The following KALRN variants were observed in gnomAD, a reference collection of about 807,000 sequenced individuals.
KALRN encodes the protein kalirin RhoGEF kinase.
A neutral mutation model predicts 353.7 loss-of-function variants in KALRN; 70 were observed. That is an observed-to-expected ratio of 0.20 (90% CI 0.16 to 0.24). The LOEUF (loss-of-function observed/expected upper bound fraction) is 0.24, where lower values mean the gene tolerates loss of function less well. Among genes scored for constraint, KALRN ranks in the 10% least tolerant of loss-of-function variants. The pLI is 1.00. For missense variants in KALRN, 2,791 were observed against 3,756.7 expected, an observed-to-expected ratio of 0.74 and a Z score of 6.72; for synonymous variants, 1,391 against 1,434.8, an observed-to-expected ratio of 0.97 and a Z score of 0.69.
intron 31 of KALRN, 38 bp downstream of exon 31, chr3:124,491,462 G>A (rs770014439): frequency 9.6e-6 from 14 of 1,463,060 alleles, no homozygotes; most frequent in Non-Finnish European, 1.3e-5. Context: ...ACTAGGGTTG[G>A]GGATAATAGA....
intron 1 of KALRN, among the ~76,000 whole-genome samples, chr3:124,224,697 G>A (rs558148582): frequency 1.3e-5 from 2 of 152,188 alleles, no homozygotes; most frequent in Non-Finnish European, 2.9e-5. Flanking sequence ...GGACAAATGG[G>A]CCAGGAAGCC....
intron 1 of KALRN, among the ~76,000 whole-genome samples, chr3:124,147,174 T>C (rs2067477641): frequency 6.6e-6 from 1 of 152,150 alleles, no homozygotes; most frequent in African/African-American, 2.4e-5. Flanking sequence ...GCCAGGTGTG[T>C]TGGACTCCAA....
chr3:124,297,771 G>A (rs2076958933), intron 5 of KALRN, among the ~76,000 whole-genome samples: 1 of 152,200 alleles, frequency 6.6e-6, no homozygotes, highest in South Asian at 2.1e-4. Flanking sequence ...GAGACAAAGT[G>A]GAAACCAGAC....
At chr3:124,114,352 C>T (rs2063269843) in intron 1 of KALRN, among the ~76,000 whole-genome samples, 1 of 152,166 alleles carries the variant, frequency 6.6e-6, no homozygotes, top group Non-Finnish European at 1.5e-5. Context: ...GGGCTCACAT[C>T]TGAGCCCTGA....
intron 3 of KALRN, among the ~76,000 whole-genome samples, chr3:124,241,444 A>G (rs1162857324): frequency 1.3e-5 from 2 of 152,234 alleles, no homozygotes; most frequent in Non-Finnish European, 2.9e-5. Context: ...ATGCAGTGCT[A>G]AAGTGTCTCT....
At chr3:124,246,189 T>G (rs1462477075) in intron 3 of KALRN, among the ~76,000 whole-genome samples, 1 of 152,266 alleles carries the variant, frequency 6.6e-6, no homozygotes. Flanking sequence ...TCCTATTCTT[T>G]GCATTTCCCT....
chr3:124,426,992 A>C (rs577395700), intron 15 of KALRN, among the ~76,000 whole-genome samples: 3 of 152,374 alleles, frequency 2.0e-5, no homozygotes, highest in Non-Finnish European at 2.9e-5. Context: ...TTTGATTACT[A>C]AAGACATTGG....
At chr3:124,245,215 C>T (rs530477406) in intron 3 of KALRN, among the ~76,000 whole-genome samples, 2 of 152,200 alleles carry the variant, frequency 1.3e-5, no homozygotes, top group African/African-American at 4.8e-5. Context: ...TTCTAGCTCC[C>T]ACATATGAGT....
intron 1 of KALRN, among the ~76,000 whole-genome samples, chr3:124,194,414 G>A (rs2075234993): frequency 6.6e-6 from 1 of 151,958 alleles, no homozygotes; most frequent in Non-Finnish European, 1.5e-5. Flanking sequence ...TACTAGTTCT[G>A]TGATGATAGA....
Position 124,334,170 on chromosome 3 carries a change from C to G in KALRN, c.1417-95C>G, listed in dbSNP as rs538575141. The G allele has an allele frequency of 1.9e-6, 2 of 1,033,252 alleles. No individual in the cohort carries two copies. The highest frequency in any genetic ancestry group is 4.7e-5 in the East Asian group (2 of 42,140). 64.0% of individuals were successfully genotyped at this position (1,033,252 alleles called of 1,614,324 possible). ...TGGAATGCCTGAGATTCTCAGAAGG[C>G]CTAGTCAGGGACCCTCAGGCAGACA... On this transcript the variant is annotated intron_variant, in intron 8 of 59. Transcript: ENST00000682506. The surrounding 1 kb of genome is among the most constrained non-coding windows in gnomAD (Gnocchi z 4.2).
chr3:124,440,615 A>G (rs990489954), intron 18 of KALRN, among the ~76,000 whole-genome samples: 2 of 150,644 alleles, frequency 1.3e-5, no homozygotes, highest in Non-Finnish European at 3.0e-5. Context: ...GTTTCTATTA[A>G]TTATATAATA....
Position 124,696,169 on chromosome 3 carries a change from T to C in KALRN, c.7613T>C (p.Leu2538Pro). 1 of 1,614,012 alleles carries C rather than the reference T, an allele frequency of 6.2e-7. No individual in the cohort carries two copies. Among genetic ancestry groups the C allele is most frequent in the Non-Finnish European group, 8.5e-7 (1 of 1,179,862 alleles). ...GAAATCACCCTGAAGATCTGTAATC[T>C]GATGCCCCAAGACAGTGGGATTTAT... is the stretch of plus-strand genomic sequence containing the variant. ...SGEITLKICN[L>P]MPQDSGIYTC... The change falls in exon 54 of 60, where the codon CTG becomes CCG. Residue 2538 changes from leucine to proline, a missense_variant. By Grantham distance (98) the Leu-to-Pro change is moderately conservative (BLOSUM62 -3). Around this residue, in one of 11 missense-constraint regions of KALRN, gnomAD observed 1,065 missense variants for 1,156.4 expected, o/e 0.92. Transcript: ENST00000682506.
intron 33 of KALRN, among the ~76,000 whole-genome samples, chr3:124,550,496 C>T (rs191276234): frequency 2.5e-4 from 38 of 152,028 alleles, no homozygotes; most frequent in Admixed American, 2.4e-3. Flanking sequence ...TTTTTTTTGT[C>T]TTATATTTCC....
chr3:124,109,689 A>G (rs1008145172), intron 1 of KALRN, among the ~76,000 whole-genome samples: 6 of 148,032 alleles, frequency 4.1e-5, no homozygotes, highest in Non-Finnish European at 8.9e-5. Context: ...CATATCATAT[A>G]TATATCATAC....
chr3:124,082,080 C>T (rs1195663095), intron 1 of KALRN, among the ~76,000 whole-genome samples: 1 of 152,128 alleles, frequency 6.6e-6, no homozygotes, highest in East Asian at 1.9e-4. Context: ...TCCAGGGGTT[C>T]TGGGTAGGTG....
At chr3:124,316,942 T>C (rs1163789311) in intron 6 of KALRN, among the ~76,000 whole-genome samples, 1 of 152,222 alleles carries the variant, frequency 6.6e-6, no homozygotes, top group Non-Finnish European at 1.5e-5. Context: ...ATCTTGAACT[T>C]TCTTGCGGTT....
At chr3:124,461,259 A>G (rs544968457) in intron 23 of KALRN, among the ~76,000 whole-genome samples, 1 of 152,102 alleles carries the variant, frequency 6.6e-6, no homozygotes, top group Non-Finnish European at 1.5e-5. Context: ...ATTTTTTTTT[A>G]CACATTGTCT....
intron 1 of KALRN, among the ~76,000 whole-genome samples, chr3:124,142,317 T>C (rs1578535227): frequency 6.6e-6 from 1 of 152,210 alleles, no homozygotes; most frequent in Non-Finnish European, 1.5e-5. Flanking sequence ...TTCAGGCAGG[T>C]GTCTGTCTCT....
chr3:124,645,015 CATTCT>C (rs1004552296), intron 37 of KALRN, among the ~76,000 whole-genome samples: 20 of 152,202 alleles, frequency 1.3e-4, no homozygotes, highest in African/African-American at 4.8e-4. Context: ...TGATGATCGC[CATTCT>C]AACTGGCGTG....
Sources: allele counts gnomAD v4.1 joint callset (sites outside exome capture counted in the v4.1 genomes callset), GRCh38; gene constraint gnomAD v4.1.1; regional missense constraint gnomAD v4.1.1; non-coding constraint Gnocchi (gnomAD v3.1); transcripts MANE v1.5; gene names NCBI Gene and HGNC (gene_info 2026-07-23, HGNC 2026-07-21).